EPCAM: variants seen among roughly 807,000 people sequenced by gnomAD.
The protein encoded by EPCAM is epithelial cell adhesion molecule, also known as adenocarcinoma-associated antigen.
A neutral mutation model predicts 40.0 loss-of-function variants in EPCAM; 39 were observed. The observed-to-expected ratio is 0.98, with a 90% CI of 0.76 to 1.27. The LOEUF is 1.27. Ranked by LOEUF, EPCAM falls within the 50% of genes most tolerant of loss-of-function variation. The probability of loss-of-function intolerance (pLI) is 0.00; values close to 1 mark genes in which losing one functional copy is unlikely to be tolerated. For missense variants in EPCAM, 503 were observed against 381.2 expected (o/e 1.32, Z -2.66); for synonymous variants, 168 against 132.3 (o/e 1.27, Z -1.85).
chr2:47,386,689 AGACATC>A lies in EPCAM; in HGVS notation c.*77_*82del. ...TTACAAATGTGTGTGCGTGGGACGAAGACATCTTTGAAGGTCATGAGTTTGTTAGTT... is the reference window on the plus strand; with the variant it reads ...TTACAAATGTGTGTGCGTGGGACGAATTTGAAGGTCATGAGTTTGTTAGTT... On this transcript the variant is annotated 3_prime_UTR_variant, in exon 9 of 9. Coordinates refer to ENST00000263735, the MANE Select transcript of EPCAM (RefSeq NM_002354.3). 1 of 1,148,088 alleles carries A rather than the reference AGACATC, an allele frequency of 8.7e-7. No homozygotes were observed. Among genetic ancestry groups the A allele is most frequent in the Non-Finnish European group, 1.3e-6 (1 of 759,702 alleles). The allele number at this position is 1,148,088 out of a possible 1,614,324, so 71.1% of individuals were successfully genotyped here. A position where few individuals can be genotyped will look rare whatever the true frequency, so the allele number is the denominator to read the frequency against.
In EPCAM at chr2:47,369,608, T is replaced by G. The variant is rs1671163403; in HGVS notation, c.76+27T>G. 2.5e-6 allele frequency: 4 copies of G among 1,575,148 alleles called. No homozygotes were observed. In the East Asian group the frequency reaches 6.9e-5, roughly 27 times the overall value. On this transcript the variant is annotated intron_variant, in intron 1 of 8. Transcript: ENST00000263735. ...TGAGGCGCGGATTGGAGCAGAGTTG[T>G]GGAGCTGGGCTGGGCTGGGGGGCAG... is the stretch of plus-strand genomic sequence containing the variant.
At chr2:47,371,688 G>A (rs142087756) in intron 1 of EPCAM, among the ~76,000 whole-genome samples, 12 of 152,246 alleles carry the variant, frequency 7.9e-5, no homozygotes, top group South Asian at 2.1e-4. Flanking sequence ...TAAATTTTAC[G>A]CCCCTTAGGT....
intron 6 of EPCAM, 41 bp from the exon 7 acceptor site, chr2:47,379,728 T>C (rs1558438497): frequency 1.2e-6 from 2 of 1,607,140 alleles, no homozygotes. Flanking sequence ...ATGGTTGGTT[T>C]CCTTAAATAT....
Position 47,374,649 on chromosome 2 carries a change from CT to C in EPCAM, c.426-576del, listed in dbSNP as rs951082789. Among the ~76,000 whole-genome samples, 22 of 150,414 alleles carry C rather than the reference CT, an allele frequency of 1.5e-4. 1 individual carries two copies. Among genetic ancestry groups the C allele is most frequent in the Admixed American group, 1.1e-3 (16 of 15,022 alleles). On this transcript the variant is annotated intron_variant, in intron 3 of 8. Transcript: ENST00000263735. ...TGTTTTTTCTTTTTTCTTTTCTTTT[CT>C]TTTTTTTTCGAGATGGAATTTCCAC...
rs2103759587 is a variant in EPCAM, at chr2:47,379,981, A to G, written c.858+12A>G. On this transcript the variant is annotated intron_variant, in intron 7 of 8. Transcript: ENST00000263735. ...GAATTGTTGTGCTGGTGAGTACAGA[A>G]CAAGTAAAATTTCATTTAAGGGTAT... 2 of 1,603,412 alleles carry G rather than the reference A, an allele frequency of 1.2e-6. No individual in the cohort carries two copies. The highest frequency in any genetic ancestry group is 1.7e-6 in the Non-Finnish European group (2 of 1,174,122).
rs1228407255 is a variant in EPCAM at position 47,378,988 on chromosome 2, A to G, written c.591A>G (p.Gln197=). ...ATGTTATCACTATTGATCTGGTTCA[A>G]AATTCTTCTCAAAAAACTCAGAATG... ...ENNVITIDLV[Q]NSSQKTQNDV... is the part of the protein sequence containing the mutation. The change falls in exon 6 of 9, where the codon CAA becomes CAG. Residue 197 remains glutamine (Q), a synonymous_variant. Coordinates refer to ENST00000263735, the MANE Select transcript of EPCAM (RefSeq NM_002354.3). The G allele has an allele frequency of 1.2e-6, 2 of 1,601,120 alleles. No individual in the cohort carries two copies. Among genetic ancestry groups the G allele is most frequent in the Non-Finnish European group, 1.7e-6 (2 of 1,168,314 alleles).
At chr2:47,373,379 CATT>C in intron 1 of EPCAM, 81 bp from the exon 2 acceptor site, 1 of 863,994 alleles carries the variant, frequency 1.2e-6, no homozygotes, top group Non-Finnish European at 1.9e-6. Flanking sequence ...TAACTTTAGG[CATT>C]ATTATTACAA....
At chr2:47,386,151 TTG>T (rs1416369273) in intron 8 of EPCAM, among the ~76,000 whole-genome samples, 4 of 152,328 alleles carry the variant, frequency 2.6e-5, no homozygotes, top group African/African-American at 9.6e-5. Flanking sequence ...AGAGTGGTAG[TTG>T]TCATTATCAT....
chr2:47,383,811 A>G (rs893983526), intron 7 of EPCAM, among the ~76,000 whole-genome samples: 3 of 136,950 alleles, frequency 2.2e-5, no homozygotes, highest in Non-Finnish European at 3.2e-5. Context: ...ATTTTTTTGT[A>G]TTTCTAGTAG....
Position 47,369,350 on chromosome 2 carries a change from C to A in EPCAM, c.-156C>A. 3 of 1,240,026 alleles carry A rather than the reference C, an allele frequency of 2.4e-6. No individual in the cohort carries two copies. Among genetic ancestry groups the A allele is most frequent in the Non-Finnish European group, 1.1e-6 (1 of 947,716 alleles). 76.8% of individuals were successfully genotyped at this position (1,240,026 alleles called of 1,614,324 possible). A position where few individuals can be genotyped will look rare whatever the true frequency, so the allele number is the denominator to read the frequency against. On this transcript the variant is annotated 5_prime_UTR_variant, in exon 1 of 9. Transcript: ENST00000263735. ...CTTCGGCGAGCGAGCACCTTCGACG[C>A]GGTCCGGGGACCCCCTCGTCGCTGT... is the stretch of plus-strand genomic sequence containing the variant.
chr2:47,369,358 G>C lies in EPCAM; in HGVS notation c.-148G>C, dbSNP rs754801864. On this transcript the variant is annotated 5_prime_UTR_variant, in exon 1 of 9. Coordinates refer to ENST00000263735, the MANE Select transcript of EPCAM (RefSeq NM_002354.3). ...AGCGAGCACCTTCGACGCGGTCCGG[G>C]GACCCCCTCGTCGCTGTCCTCCCGA... 1 of 1,214,102 alleles carries C rather than the reference G, an allele frequency of 8.2e-7. No individual in the cohort carries two copies. The highest frequency in any genetic ancestry group is 3.2e-5 in the East Asian group (1 of 31,600). 75.2% of individuals were successfully genotyped at this position (1,214,102 alleles called of 1,614,324 possible).
rs748418390 is a variant in EPCAM at position 47,385,240 on chromosome 2, G to C, written c.903+30G>C. On this transcript the variant is annotated intron_variant, in intron 8 of 8. Coordinates refer to ENST00000263735, the MANE Select transcript of EPCAM (RefSeq NM_002354.3). ...ATGGATTACTTACCTAAATAGAAAGGCCCTGTTGAATCTCTTACTCCTAAT... is the reference window on the plus strand; with the variant it reads ...ATGGATTACTTACCTAAATAGAAAGCCCCTGTTGAATCTCTTACTCCTAAT... The C allele has an allele frequency of 2.7e-5, 43 of 1,582,066 alleles. 1 individual carries two copies. The highest frequency in any genetic ancestry group is 3.3e-5 in the Non-Finnish European group (38 of 1,151,338).
At chr2:47,386,222 G>C (rs1671739077) in intron 8 of EPCAM, among the ~76,000 whole-genome samples, 1 of 152,040 alleles carries the variant, frequency 6.6e-6, no homozygotes, top group South Asian at 2.1e-4. Flanking sequence ...TTTTGAACTT[G>C]AGTTTCCCCA....
Position 47,386,686 on chromosome 2 carries a change from C to A in EPCAM, c.*73C>A, listed in dbSNP as rs1803881. The A allele has an allele frequency of 1.7e-6, 2 of 1,154,228 alleles. No individual in the cohort carries two copies. The highest frequency in any genetic ancestry group is 2.6e-6 in the Non-Finnish European group (2 of 765,936). The allele number at this position is 1,154,228 out of a possible 1,614,324, so 71.5% of individuals were successfully genotyped here. The stretch of plus-strand genomic sequence containing the variant: ...AAATTACAAATGTGTGTGCGTGGGA[C>A]GAAGACATCTTTGAAGGTCATGAGT... On this transcript the variant is annotated 3_prime_UTR_variant, in exon 9 of 9. Transcript: ENST00000263735.
intron 8 of EPCAM, among the ~76,000 whole-genome samples, chr2:47,386,024 A>T (rs141473974): frequency 1.3e-5 from 2 of 152,320 alleles, no homozygotes; most frequent in African/African-American, 4.8e-5. Flanking sequence ...TTAAGCCTCC[A>T]TGTTTCCTCA....
chr2:47,376,621 G>A (rs1256362542), intron 4 of EPCAM, among the ~76,000 whole-genome samples: 1 of 152,112 alleles, frequency 6.6e-6, no homozygotes, highest in Non-Finnish European at 1.5e-5. Context: ...CTACTTAAGC[G>A]ATCTTGTGTC....
At chr2:47,375,416 C>G (rs1017566749) in intron 4 of EPCAM, 117 bp downstream of exon 4, 2 of 722,734 alleles carry the variant, frequency 2.8e-6, no homozygotes, top group Non-Finnish European at 5.0e-6. Flanking sequence ...AATAAAGTTA[C>G]TTGAAATAGA....
intron 7 of EPCAM, among the ~76,000 whole-genome samples, chr2:47,381,489 C>G (rs1263566735): frequency 2.0e-5 from 3 of 151,672 alleles, no homozygotes; most frequent in Admixed American, 6.6e-5. Context: ...TTCAATCAAC[C>G]ATGTTTGGCT....
At position 47,378,949 on chromosome 2, in the gene EPCAM, C is replaced by A; in HGVS notation, c.556-4C>A. 3 of 1,353,542 alleles carry A rather than the reference C, an allele frequency of 2.2e-6. No homozygotes were observed. The highest frequency in any genetic ancestry group is 1.1e-6 in the Non-Finnish European group (1 of 944,096). 83.8% of individuals were successfully genotyped at this position (1,353,542 alleles called of 1,614,324 possible). On this transcript the variant is annotated splice_region_variant and splice_polypyrimidine_tract_variant and intron_variant, in intron 5 of 8. Coordinates refer to ENST00000263735, the MANE Select transcript of EPCAM (RefSeq NM_002354.3). ...AATTTGTATTATTCAATTTTTTTCC[C>A]CAGTATGAGAATAATGTTATCACTA...
Sources: allele counts gnomAD v4.1 joint callset (sites outside exome capture counted in the v4.1 genomes callset), GRCh38; gene constraint gnomAD v4.1.1; transcripts MANE v1.5; gene names NCBI Gene and HGNC (gene_info 2026-07-23, HGNC 2026-07-21).